The following DNAH1 variants were observed in gnomAD, a reference collection of about 807,000 sequenced individuals.
DNAH1 encodes the protein axonemal beta dynein heavy chain 1.
In DNAH1, 327 loss-of-function variants were observed where a neutral mutation model predicts 484.3. The ratio of observed to expected loss-of-function variants is 0.68; its 90% CI spans 0.62 to 0.74. The LOEUF is 0.74. DNAH1 is among the 30% of genes least tolerant of loss of function. The probability of loss-of-function intolerance (pLI) is 0.00; values close to 1 mark genes in which losing one functional copy is unlikely to be tolerated. For synonymous variants in DNAH1, 2,192 were observed against 2,191.9 expected, an observed-to-expected ratio of 1.00 and a Z score of 0.00; for missense variants, 5,052 against 5,546.8, an observed-to-expected ratio of 0.91 and a Z score of 2.83.
intron 8 of DNAH1, among the ~76,000 whole-genome samples, chr3:52,338,554 C>A (rs1701816681): frequency 6.6e-6 from 1 of 152,202 alleles, no homozygotes; most frequent in East Asian, 1.9e-4. Context: ...GTATAAAGTT[C>A]CTTTTCTAGT....
chr3:52,341,485 C>T (rs1249835544), intron 8 of DNAH1, among the ~76,000 whole-genome samples: 2 of 150,490 alleles, frequency 1.3e-5, no homozygotes, highest in East Asian at 1.9e-4. Context: ...ATGGCACCAC[C>T]GTATTTGTCC....
chr3:52,394,419 G>A, intron 66 of DNAH1, 46 bp from the exon 67 acceptor site: 1 of 1,597,374 alleles, frequency 6.3e-7, no homozygotes, highest in Non-Finnish European at 8.6e-7. Context: ...AGAGCAGGAG[G>A]AGCTGGCCAG....
At chr3:52,311,783 ATG>A (rs1700768512), upstream of DNAH1, among the ~76,000 whole-genome samples, 1 of 152,156 alleles carries the variant, frequency 6.6e-6, no homozygotes, top group African/African-American at 2.4e-5. Context: ...GGGGCTGGCT[ATG>A]TGCCTGAGCC....
rs766093116 is a variant in DNAH1 at position 52,372,086 on chromosome 3, C to T, written c.6666C>T (p.Pro2222=). The T allele has an allele frequency of 8.1e-6, 13 of 1,613,250 alleles. No individual in the cohort carries two copies. The highest frequency in any genetic ancestry group is 3.3e-5 in the Admixed American group (2 of 60,004). The change falls in exon 42 of 78, where the codon CCC becomes CCT. Residue 2222 remains proline, a splice_region_variant and synonymous_variant. Coordinates refer to ENST00000420323, the MANE Select transcript of DNAH1 (RefSeq NM_015512.5). Reference sequence around the variant, plus strand: ...ACATGCTGCTCACCAACAAGAAGCCCGTGAGCACCCCCCCAGGCCCTGCCT... The same window carrying T: ...ACATGCTGCTCACCAACAAGAAGCCTGTGAGCACCCCCCCAGGCCCTGCCT... The part of the protein sequence containing the change: ...LLDMLLTNKK[P]VLCIGPTGTG...
chr3:52,374,117 C>T (rs1703479031), intron 44 of DNAH1: 3 of 1,158,432 alleles, frequency 2.6e-6, no homozygotes, highest in Non-Finnish European at 3.9e-6. Context: ...AACCACCCTT[C>T]ACAGAATCTA....
At chr3:52,352,962 G>T in intron 18 of DNAH1, 141 bp from the exon 19 acceptor site, 1 of 1,000,490 alleles carries the variant, frequency 1.0e-6, no homozygotes, top group Non-Finnish European at 1.4e-6. Flanking sequence ...GGGAGGCCAG[G>T]CCCAGGTGTT....
At chr3:52,320,148 C>T (rs1306817140) in intron 1 of DNAH1, among the ~76,000 whole-genome samples, 1 of 152,238 alleles carries the variant, frequency 6.6e-6, no homozygotes. Flanking sequence ...TCTCCAAGCC[C>T]TGCTCTGTTG....
In DNAH1 at chr3:52,351,866, C is replaced by T. The variant is rs543459315; in HGVS notation, c.2730-96C>T. ...TTTCCCCTGAACCCCTTCTCACTGG[C>T]TGCCTGGGTGCCTGGTGGGATGCCC... On this transcript the variant is annotated intron_variant, in intron 16 of 77. Transcript: ENST00000420323. 57 of 1,441,006 alleles carry T rather than the reference C, an allele frequency of 4.0e-5. No individual in the cohort carries two copies. In the South Asian group the frequency reaches 7.1e-4, roughly 18 times the overall value. 89.3% of individuals were successfully genotyped at this position (1,441,006 alleles called of 1,614,324 possible). A position where few individuals can be genotyped will look rare whatever the true frequency, so the allele number is the denominator to read the frequency against.
chr3:52,382,233 T>C, intron 49 of DNAH1, 87 bp from the exon 50 acceptor site: 3 of 1,600,520 alleles, frequency 1.9e-6, no homozygotes, highest in Non-Finnish European at 2.6e-6. Flanking sequence ...GAATTCCAGG[T>C]GGTCAGGGTA....
At chr3:52,314,002 A>C (rs1482392075), upstream of DNAH1, among the ~76,000 whole-genome samples, 1 of 152,198 alleles carries the variant, frequency 6.6e-6, no homozygotes, top group African/African-American at 2.4e-5. Flanking sequence ...TCAGGCTGGC[A>C]GTCTGGTCCC....
intron 66 of DNAH1, among the ~76,000 whole-genome samples, 170 bp downstream of exon 66, chr3:52,393,655 T>G (rs1361473653): frequency 1.3e-5 from 2 of 152,196 alleles, no homozygotes; most frequent in Non-Finnish European, 2.9e-5. Flanking sequence ...CGGTGACTCA[T>G]GCCTGCAATC....
At chr3:52,369,274 G>T (rs1208200897) in intron 37 of DNAH1, among the ~76,000 whole-genome samples, 1 of 152,228 alleles carries the variant, frequency 6.6e-6, no homozygotes, top group African/African-American at 2.4e-5. Flanking sequence ...CCCCAGTCAG[G>T]TCAGGTGGGG....
chr3:52,386,562 A>T, intron 55 of DNAH1, 100 bp from the exon 56 acceptor site: 1 of 1,344,080 alleles, frequency 7.4e-7, no homozygotes, highest in Non-Finnish European at 1.0e-6. Flanking sequence ...GTCCTGTGGT[A>T]GTAGAGACTT....
chr3:52,361,420 G>A lies in DNAH1; in HGVS notation c.4874+68G>A, dbSNP rs919350463. 40 of 1,468,740 alleles carry A rather than the reference G, an allele frequency of 2.7e-5. No homozygotes were observed. Among genetic ancestry groups the A allele is most frequent in the Non-Finnish European group, 3.3e-5 (36 of 1,100,446 alleles). The allele number at this position is 1,468,740 out of a possible 1,614,324, so 91.0% of individuals were successfully genotyped here. On this transcript the variant is annotated intron_variant, in intron 29 of 77. Transcript: ENST00000420323. This position sits in a 1 kb window ranked among gnomAD's most constrained non-coding sequence, Gnocchi z 5.6. ...CCTAGCTCTCCTTGGGGAGGGCTAGGTGAGGGCAGTGCCTGAGAGGGGCCT... is the reference window on the plus strand; with the variant it reads ...CCTAGCTCTCCTTGGGGAGGGCTAGATGAGGGCAGTGCCTGAGAGGGGCCT...
chr3:52,398,043 C>A lies in DNAH1; in HGVS notation c.11970C>A (p.Asp3990Glu). 1.2e-6 allele frequency: 2 copies of A among 1,613,448 alleles called. No homozygotes were observed. The highest frequency in any genetic ancestry group is 1.7e-4 in the Middle Eastern group (1 of 6,036). The change falls in exon 75 of 78, where the codon GAC (aspartate) becomes GAA (glutamate). Residue 3990 changes from aspartate to glutamate, a missense_variant. Physicochemically the swap from Asp to Glu is conservative, Grantham distance 45. Around this residue, in one of 4 missense-constraint regions of DNAH1, gnomAD observed 853 missense variants for 899.0 expected, o/e 0.95. Transcript: ENST00000420323. The stretch of plus-strand genomic sequence containing the variant: ...CTTTGCCCCTGCAGATAGTGGAGGA[C>A]GTCACCCAAAACATTCTGCTCAAGG... ...GSQGREEIVE[D>E]VTQNILLKVP...
At chr3:52,391,747 G>A (rs369915068) in intron 63 of DNAH1, 144 bp downstream of exon 63, 20 of 979,122 alleles carry the variant, frequency 2.0e-5, no homozygotes, top group South Asian at 3.1e-5. Context: ...ACTCACATTC[G>A]AAGCCTTTCT....
intron 1 of DNAH1, among the ~76,000 whole-genome samples, chr3:52,318,886 A>AC (rs1291194571): frequency 6.6e-6 from 1 of 152,196 alleles, no homozygotes; most frequent in Non-Finnish European, 1.5e-5. Flanking sequence ...CTTATGCAGA[A>AC]CCCCGGGGTG....
Position 52,396,883 on chromosome 3 carries a change from G to A in DNAH1, c.11626G>A (p.Ala3876Thr). The A allele has an allele frequency of 6.2e-7, 1 of 1,613,394 alleles. No individual in the cohort carries two copies. Among genetic ancestry groups the A allele is most frequent in the Non-Finnish European group, 8.5e-7 (1 of 1,179,812 alleles). Residue 3876 changes from alanine (A) to threonine (T), a missense_variant, in exon 73 of 78, where the codon GCA (alanine) becomes ACA (threonine). Physicochemically the swap from Ala to Thr is moderately conservative, Grantham distance 58. Around this residue, in one of 4 missense-constraint regions of DNAH1, gnomAD observed 853 missense variants for 899.0 expected, o/e 0.95. Transcript: ENST00000420323. ...CACCCCATAGGTCCTCAAGTACACG[G>A]CAGGGGAGATCAATTACGGGGGCCG... ...DIPYKVLKYT[A>T]GEINYGGRVT...
chr3:52,393,380 C>G lies in DNAH1; in HGVS notation c.10521C>G (p.Tyr3507Ter). ...RISNINRYLT[Y>*]SLYSNVCRSL... ...CCAACATCAACCGCTACCTGACCTA[C>G]AGCCTCTACAGCAACGTCTGCCGCA... Residue 3507 changes from tyrosine (Y) to a stop codon, truncating the protein, a stop_gained, in exon 66 of 78, where the codon TAC (tyrosine) becomes TAG (stop). Coordinates refer to ENST00000420323, the MANE Select transcript of DNAH1 (RefSeq NM_015512.5). LOFTEE classifies it high-confidence loss of function. 1.2e-6 allele frequency: 2 copies of G among 1,614,030 alleles called. No individual in the cohort carries two copies. Among genetic ancestry groups the G allele is most frequent in the Non-Finnish European group, 1.7e-6 (2 of 1,179,892 alleles).
Sources: gnomAD v4.1 joint callset for allele counts (sites outside exome capture counted in the v4.1 genomes callset) on GRCh38, gnomAD v4.1.1 for gene constraint, gnomAD v4.1.1 regional missense constraint, Gnocchi (gnomAD v3.1) non-coding constraint, MANE v1.5 for transcripts, NCBI Gene and HGNC (gene_info 2026-07-23, HGNC 2026-07-21) for gene names.